CCNY: variants seen among roughly 807,000 people sequenced by gnomAD.
The protein encoded by CCNY is cyclin-Y.
Under a neutral mutation model 42.8 loss-of-function variants are expected in CCNY, and 19 were observed. The ratio of observed to expected loss-of-function variants is 0.44; its 90% CI spans 0.31 to 0.65. The LOEUF (loss-of-function observed/expected upper bound fraction) is 0.65, where lower values mean the gene tolerates loss of function less well. Ranked by LOEUF, CCNY falls within the 30% of genes least tolerant of loss-of-function variation. The pLI is 0.07. For synonymous variants in CCNY, 165 were observed against 162.7 expected, an observed-to-expected ratio of 1.01 and a Z score of -0.11; for missense variants, 370 against 437.3, an observed-to-expected ratio of 0.85 and a Z score of 1.37.
intron 3 of CCNY, among the ~76,000 whole-genome samples, chr10:35,281,830 T>G (rs12778617): frequency 0.36 from 54,889 of 151,924 alleles, 10,041 homozygotes; most frequent in South Asian, 0.44. Context: ...TGGTGTTGAT[T>G]GTGGTAATAC....
chr10:35,565,540 G>T (rs1432029152), intron 8 of CCNY, among the ~76,000 whole-genome samples: 1 of 152,180 alleles, frequency 6.6e-6, no homozygotes, highest in Non-Finnish European at 1.5e-5. Context: ...TTTTGCCTAA[G>T]AAAGCCCCTA....
chr10:35,288,561 A>T (rs1004441911), intron 3 of CCNY, among the ~76,000 whole-genome samples: 1 of 152,138 alleles, frequency 6.6e-6, no homozygotes, highest in Non-Finnish European at 1.5e-5. Flanking sequence ...ATGTTTGCCT[A>T]TCCCAAGGTT....
At chr10:35,520,387 T>C (rs1001546882) in intron 4 of CCNY, among the ~76,000 whole-genome samples, 1 of 152,192 alleles carries the variant, frequency 6.6e-6, no homozygotes, top group Non-Finnish European at 1.5e-5. Context: ...TTTTTTGCTT[T>C]CTTTGCCTCC....
At chr10:35,398,582 C>T (rs770520243) in intron 1 of CCNY, among the ~76,000 whole-genome samples, 4 of 151,884 alleles carry the variant, frequency 2.6e-5, no homozygotes, top group Admixed American at 6.6e-5. Flanking sequence ...TGGTAGAAAT[C>T]GTTTACCATA....
In CCNY at chr10:35,530,218, C is replaced by T. The variant is rs146495735; in HGVS notation, c.554C>T (p.Thr185Met). The change falls in exon 7 of 10, where the codon ACG becomes ATG. Residue 185 changes from threonine to methionine, a missense_variant. Coordinates refer to ENST00000374704, the MANE Select transcript of CCNY (RefSeq NM_145012.6). The surrounding 1 kb of genome is among the most constrained non-coding windows in gnomAD (Gnocchi z 4.3). ...VRTLFSAAQL[T>M]AECAIVTLVY... ...ACACTGTTCAGTGCTGCTCAGCTGACGGCTGAATGTGCCATCGTCACCCTG... is the reference window on the plus strand; with the variant it reads ...ACACTGTTCAGTGCTGCTCAGCTGATGGCTGAATGTGCCATCGTCACCCTG... 2.8e-5 allele frequency: 45 copies of T among 1,614,098 alleles called. 1 individual carries two copies. The highest frequency in any genetic ancestry group is 8.3e-5 in the Admixed American group (5 of 60,014).
rs1589042223 is a variant in CCNY at position 35,336,832 on chromosome 10, G to A, written c.-222G>A. 1 of 148,234 alleles carries A rather than the reference G, an allele frequency of 6.7e-6. No individual in the cohort carries two copies. Among genetic ancestry groups the A allele is most frequent in the Non-Finnish European group, 1.5e-5 (1 of 67,380 alleles). 9.2% of individuals were successfully genotyped at this position (148,234 alleles called of 1,614,324 possible). On this transcript the variant is annotated 5_prime_UTR_variant, in exon 1 of 10. Coordinates refer to ENST00000374704, the MANE Select transcript of CCNY (RefSeq NM_145012.6). ...GGCCGGCCGAGGGGGAGCCGGGGCC[G>A]TCGCCCGCTCGTCGCCGCCGCCGCC... is the stretch of plus-strand genomic sequence containing the variant.
chr10:35,365,325 T>C (rs1174297570), intron 1 of CCNY, among the ~76,000 whole-genome samples: 1 of 152,222 alleles, frequency 6.6e-6, no homozygotes, highest in Non-Finnish European at 1.5e-5. Context: ...AGACTTGCTT[T>C]GTGTCTTTAA....
intron 1 of CCNY, among the ~76,000 whole-genome samples, chr10:35,451,415 G>T (rs1334401711): frequency 6.6e-6 from 1 of 152,220 alleles, no homozygotes; most frequent in Non-Finnish European, 1.5e-5. Context: ...TGACCAGAAT[G>T]GGTGGGTCAT....
At chr10:35,312,866 C>T (rs1358631564) in intron 3 of CCNY, among the ~76,000 whole-genome samples, 2 of 151,354 alleles carry the variant, frequency 1.3e-5, no homozygotes, top group Admixed American at 6.6e-5. Context: ...GTCCTCCTGC[C>T]TTGCCTCCTA....
intron 3 of CCNY, among the ~76,000 whole-genome samples, chr10:35,328,702 A>C (rs184447648): frequency 2.1e-5 from 3 of 141,414 alleles, no homozygotes; most frequent in East Asian, 4.1e-4. Flanking sequence ...TGGAAAAGAA[A>C]AACATGTTGA....
At chr10:35,338,745 T>G (rs1836109033) in intron 1 of CCNY, among the ~76,000 whole-genome samples, 1 of 152,232 alleles carries the variant, frequency 6.6e-6, no homozygotes, top group African/African-American at 2.4e-5. Flanking sequence ...TGCAGTAAAT[T>G]TCCTTTTTAT....
chr10:35,390,740 A>G (rs571111876), intron 1 of CCNY, among the ~76,000 whole-genome samples: 8 of 152,352 alleles, frequency 5.3e-5, no homozygotes, highest in Admixed American at 4.6e-4. Flanking sequence ...GTACTTGGCA[A>G]TGTGGCATAG....
intron 3 of CCNY, among the ~76,000 whole-genome samples, chr10:35,252,584 AAAAAAAAAT>A (rs1383832168): frequency 0.018 from 2,701 of 148,468 alleles, 79 homozygotes; most frequent in African/African-American, 0.022. Context: ...AAAAAAAAAA[AAAAAAAAAT>A]GAGAATATCC....
chr10:35,552,297 A>G (rs888523906), intron 7 of CCNY, among the ~76,000 whole-genome samples: 7 of 152,364 alleles, frequency 4.6e-5, no homozygotes, highest in African/African-American at 1.7e-4. Flanking sequence ...TATTCTACCA[A>G]TATGATGTGC....
chr10:35,476,889 G>A (rs571752384), intron 1 of CCNY, among the ~76,000 whole-genome samples: 1 of 151,974 alleles, frequency 6.6e-6, no homozygotes, highest in African/African-American at 2.4e-5. Flanking sequence ...TAGACCACTA[G>A]CAAGACTAAT....
At chr10:35,379,579 T>G (rs144155418) in intron 1 of CCNY, among the ~76,000 whole-genome samples, 1 of 152,376 alleles carries the variant, frequency 6.6e-6, no homozygotes, top group African/African-American at 2.4e-5. Context: ...AGCTGAAGTC[T>G]GCATGATCAC....
At chr10:35,464,402 C>G (rs1308765606) in intron 1 of CCNY, among the ~76,000 whole-genome samples, 1 of 152,108 alleles carries the variant, frequency 6.6e-6, no homozygotes, top group East Asian at 1.9e-4. Flanking sequence ...TTTTTTTCAC[C>G]AGCGTGCGGT....
rs1421874244 is a variant in CCNY at position 35,336,803 on chromosome 10, G to C, written c.-251G>C. 6.8e-6 allele frequency: 1 copy of C among 147,282 alleles called. No homozygotes were observed. Among genetic ancestry groups the C allele is most frequent in the Non-Finnish European group, 1.5e-5 (1 of 66,096 alleles). The allele number at this position is 147,282 out of a possible 1,614,324, so 9.1% of individuals were successfully genotyped here. ...CGGACCCGAGCGCTCCTCCGCCGCG[G>C]ATAGGCCGGCCGAGGGGGAGCCGGG... is the stretch of plus-strand genomic sequence containing the variant. On this transcript the variant is annotated 5_prime_UTR_variant, in exon 1 of 10. Coordinates refer to ENST00000374704, the MANE Select transcript of CCNY (RefSeq NM_145012.6).
intron 3 of CCNY, among the ~76,000 whole-genome samples, chr10:35,285,430 A>G (rs1308782246): frequency 6.6e-6 from 1 of 151,918 alleles, no homozygotes; most frequent in Non-Finnish European, 1.5e-5. Context: ...ATCTCTATTT[A>G]TTTGTATATG....
Sources: gnomAD v4.1 joint callset for allele counts (sites outside exome capture counted in the v4.1 genomes callset) on GRCh38, gnomAD v4.1.1 for gene constraint, Gnocchi (gnomAD v3.1) non-coding constraint, MANE v1.5 for transcripts, NCBI Gene and HGNC (gene_info 2026-07-23, HGNC 2026-07-21) for gene names.